MRPS22: variants seen among roughly 807,000 people sequenced by gnomAD.
MRPS22 encodes small ribosomal subunit protein mS22.
MRPS22 carries 30 observed loss-of-function variants against 44.0 expected under a neutral mutation model. That is an observed-to-expected ratio of 0.68 (90% CI 0.51 to 0.93). The LOEUF is 0.93. Ranked by LOEUF, MRPS22 falls within the 40% of genes least tolerant of loss-of-function variation. The probability of loss-of-function intolerance (pLI) is 0.00; values close to 1 mark genes in which losing one functional copy is unlikely to be tolerated. For missense variants in MRPS22, 447 were observed against 447.8 expected, an observed-to-expected ratio of 1.00 and a Z score of 0.02; for synonymous variants, 165 against 154.4, an observed-to-expected ratio of 1.07 and a Z score of -0.51.
chr3:139,355,668 C>T lies in MRPS22; in HGVS notation c.879-14C>T, dbSNP rs1008455277. On this transcript the variant is annotated splice_polypyrimidine_tract_variant and intron_variant, in intron 6 of 7. Transcript: ENST00000680020. ...AGAAAACCCCTAGATAACATTAAAC[C>T]CTTTCATTCTCAGAATCGATGATGC... 3.7e-6 allele frequency: 6 copies of T among 1,602,624 alleles called. No homozygotes were observed. Among genetic ancestry groups the T allele is most frequent in the Non-Finnish European group, 5.1e-6 (6 of 1,169,700 alleles).
rs748148830 is a variant in MRPS22 at position 139,344,063 on chromosome 3, C to T, written c.37C>T (p.Leu13Phe). The change falls in exon 1 of 8, where the codon CTC becomes TTC. Residue 13 changes from leucine to phenylalanine, a missense_variant. Transcript: ENST00000680020. Reference sequence around the variant, plus strand: ...CGGAACAACTGTATTGCTGTGGAGCCTCTTGAGGAGTTCTCCGGGCGTGGA... The same window carrying T: ...CGGAACAACTGTATTGCTGTGGAGCTTCTTGAGGAGTTCTCCGGGCGTGGA... ...PLGTTVLLWSLLRSSPGVERV... is the reference protein window; with the variant it reads ...PLGTTVLLWSFLRSSPGVERV... 1 of 1,614,184 alleles carries T rather than the reference C, an allele frequency of 6.2e-7. No homozygotes were observed. Among genetic ancestry groups the T allele is most frequent in the East Asian group, 2.2e-5 (1 of 44,862 alleles).
rs1576364091 is a variant in MRPS22 at position 139,352,341 on chromosome 3, A to G, written c.733-306A>G. The G allele has an allele frequency of 2.1e-5, 6 of 282,392 alleles. No homozygotes were observed. The East Asian group carries it at 4.1e-4, about 19-fold the overall frequency. The allele number at this position is 282,392 out of a possible 1,614,324, so 17.5% of individuals were successfully genotyped here. A position where few individuals can be genotyped will look rare whatever the true frequency, so the allele number is the denominator to read the frequency against. ...TGCCATGCCCAGCTAATTTTTTAAA[A>G]AATTTTCCTAGAGATGAGGACTGCT... On this transcript the variant is annotated intron_variant, in intron 5 of 7. Transcript: ENST00000680020.
Position 139,352,569 on chromosome 3 carries a change from T to C in MRPS22, c.733-78T>C, listed in dbSNP as rs1357951462. The C allele has an allele frequency of 3.8e-6, 5 of 1,331,544 alleles. No individual in the cohort carries two copies. The East Asian group carries it at 1.2e-4, about 31-fold the overall frequency. The allele number at this position is 1,331,544 out of a possible 1,614,324, so 82.5% of individuals were successfully genotyped here. ...GTTTTACTTGCTTGGGCAGCACTCATGCTAATCAGTGTACGTTGAATAATG... is the reference window on the plus strand; with the variant it reads ...GTTTTACTTGCTTGGGCAGCACTCACGCTAATCAGTGTACGTTGAATAATG... On this transcript the variant is annotated intron_variant, in intron 5 of 7. Transcript: ENST00000680020.
At chr3:139,355,622 A>T in intron 6 of MRPS22, 60 bp from the exon 7 acceptor site, 1 of 1,356,428 alleles carries the variant, frequency 7.4e-7, no homozygotes, top group Admixed American at 1.7e-5. Context: ...ACACACTTTT[A>T]TAGGACTGTG....
chr3:139,355,652 C>T, intron 6 of MRPS22, 30 bp from the exon 7 acceptor site: 1 of 1,546,980 alleles, frequency 6.5e-7, no homozygotes, highest in Non-Finnish European at 8.9e-7. Flanking sequence ...AAGAAAACCC[C>T]TAGATAACAT....
intron 6 of MRPS22, among the ~76,000 whole-genome samples, chr3:139,355,182 A>G (rs951196249): frequency 6.6e-6 from 1 of 152,090 alleles, no homozygotes; most frequent in African/African-American, 2.4e-5. Context: ...TTGGAATCTT[A>G]GGGGGCCTCT....
chr3:139,347,807 A>G (rs12695695), intron 2 of MRPS22, among the ~76,000 whole-genome samples: 13,821 of 152,354 alleles, frequency 0.091, 792 homozygotes, highest in Non-Finnish European at 0.14. Flanking sequence ...AATTGAGGCC[A>G]TTAAATCAGC....
At chr3:139,348,503 C>A in intron 3 of MRPS22, 179 bp downstream of exon 3, 1 of 646,188 alleles carries the variant, frequency 1.5e-6, no homozygotes, top group South Asian at 1.7e-5. Flanking sequence ...AGCCCCACAT[C>A]ATGGTGTTAC....
At chr3:139,353,938 G>A (rs769439548) in intron 6 of MRPS22, among the ~76,000 whole-genome samples, 2 of 152,150 alleles carry the variant, frequency 1.3e-5, no homozygotes, top group African/African-American at 2.4e-5. Flanking sequence ...TTAGAGCAAC[G>A]CAGAAATGTT....
At chr3:139,353,356 T>G (rs895509860) in intron 6 of MRPS22, among the ~76,000 whole-genome samples, 9 of 152,212 alleles carry the variant, frequency 5.9e-5, no homozygotes, top group African/African-American at 2.2e-4. Context: ...TAATACAACT[T>G]GTGGTAAAAC....
chr3:139,351,095 A>G (rs1454914698), intron 5 of MRPS22, 35 bp downstream of exon 5: 1 of 1,489,674 alleles, frequency 6.7e-7, no homozygotes. Context: ...TATAGGCTTA[A>G]GTATGGTTAT....
At chr3:139,350,461 C>A (rs1941124925) in intron 4 of MRPS22, 139 bp downstream of exon 4, 1 of 979,052 alleles carries the variant, frequency 1.0e-6, no homozygotes, top group Non-Finnish European at 1.5e-6. Context: ...GAGTTTCGCT[C>A]CTTTTGCCCA....
intron 2 of MRPS22, 72 bp downstream of exon 2, chr3:139,347,116 C>T (rs1407997094): frequency 1.3e-6 from 2 of 1,502,962 alleles, no homozygotes; most frequent in Non-Finnish European, 1.9e-6. Context: ...GAGGCCCCTC[C>T]AGATGCTTAT....
chr3:139,356,898 T>TTTTC (rs1941287770), intron 7 of MRPS22, 21 bp from the exon 8 acceptor site: 1 of 1,571,408 alleles, frequency 6.4e-7, no homozygotes, highest in Non-Finnish European at 8.8e-7. Context: ...TGTTTTAAAA[T>TTTTC]TTTCTTTTTA....
intron 5 of MRPS22, 141 bp downstream of exon 5, chr3:139,351,201 G>T: frequency 1.5e-6 from 1 of 683,134 alleles, no homozygotes; most frequent in South Asian, 1.5e-5. Context: ...GAGTACAGTT[G>T]TGTGCCAGAT....
At chr3:139,355,179 C>G (rs1941223272) in intron 6 of MRPS22, among the ~76,000 whole-genome samples, 1 of 152,116 alleles carries the variant, frequency 6.6e-6, no homozygotes, top group Non-Finnish European at 1.5e-5. Flanking sequence ...TCCTTGGAAT[C>G]TTAGGGGGCC....
At chr3:139,344,473 C>G (rs1444122413) in intron 1 of MRPS22, 8 of 611,752 alleles carry the variant, frequency 1.3e-5, no homozygotes, top group East Asian at 5.5e-5. Context: ...AGACATTTCC[C>G]TGTGGGAACT....
At chr3:139,355,877 A>C (rs1941245386) in intron 7 of MRPS22, 87 bp downstream of exon 7, 1 of 934,300 alleles carries the variant, frequency 1.1e-6, no homozygotes. Context: ...ATGGTAACTA[A>C]ACAGATTTGT....
chr3:139,352,495 A>T, intron 5 of MRPS22, 152 bp from the exon 6 acceptor site: 1 of 681,190 alleles, frequency 1.5e-6, no homozygotes, highest in Non-Finnish European at 2.6e-6. Context: ...GGAATGGTTT[A>T]AATCATACCA....
Sources: allele counts gnomAD v4.1 joint callset (sites outside exome capture counted in the v4.1 genomes callset), GRCh38; gene constraint gnomAD v4.1.1; transcripts MANE v1.5; gene names NCBI Gene and HGNC (gene_info 2026-07-23, HGNC 2026-07-21).